Variants in STK32B observed in about 807,000 individuals in gnomAD.
STK32B encodes the protein serine/threonine kinase 32B, also known as serine/threonine-protein kinase 32B.
Under a neutral mutation model 52.6 loss-of-function variants are expected in STK32B, and 43 were observed. The ratio of observed to expected loss-of-function variants is 0.82; its 90% CI spans 0.64 to 1.05. The LOEUF is 1.05. Among genes scored for constraint, STK32B ranks in the 50% least tolerant of loss-of-function variants. The pLI is 0.00. For synonymous variants in STK32B, 238 were observed against 204.3 expected (o/e 1.17, Z -1.41); for missense variants, 621 against 534.6 (o/e 1.16, Z -1.59).
chr4:5,047,329 G>A (rs989272555), upstream of STK32B, among the ~76,000 whole-genome samples: 3 of 151,888 alleles, frequency 2.0e-5, no homozygotes, highest in Admixed American at 2.0e-4. Flanking sequence ...CATACACCAG[G>A]GCCTGTTGGG....
intron 3 of STK32B, among the ~76,000 whole-genome samples, chr4:5,178,325 G>T (rs1340083671): frequency 6.6e-6 from 1 of 152,196 alleles, no homozygotes; most frequent in Non-Finnish European, 1.5e-5. Context: ...CTACAGCTGG[G>T]ACACAGGTCA....
chr4:5,292,943 C>A (rs1728979129), intron 3 of STK32B, among the ~76,000 whole-genome samples: 1 of 151,984 alleles, frequency 6.6e-6, no homozygotes, highest in African/African-American at 2.4e-5. Context: ...GTTCCCATTG[C>A]CCCCTACTCC....
chr4:5,495,796 A>G (rs923049592), intron 11 of STK32B, among the ~76,000 whole-genome samples: 1 of 152,182 alleles, frequency 6.6e-6, no homozygotes, highest in Non-Finnish European at 1.5e-5. Flanking sequence ...CTTCTAACAG[A>G]CAGGACCCTC....
intron 3 of STK32B, among the ~76,000 whole-genome samples, chr4:5,214,819 T>G (rs1288747220): frequency 1.3e-5 from 2 of 152,050 alleles, no homozygotes; most frequent in African/African-American, 4.8e-5. Flanking sequence ...TGTCAAATGC[T>G]CCAAATTTTT....
In STK32B at chr4:5,416,969, G is replaced by C. The variant is rs370991223; in HGVS notation, c.562+35G>C. 4 of 1,571,040 alleles carry C rather than the reference G, an allele frequency of 2.5e-6. No individual in the cohort carries two copies. The South Asian group carries it at 4.6e-5, about 18-fold the overall frequency. On this transcript the variant is annotated intron_variant, in intron 6 of 11. Coordinates refer to ENST00000282908, the MANE Select transcript of STK32B (RefSeq NM_018401.3). ...CCAGGCCCCTTCTTTTCATGTGATC[G>C]GGCTCACTGCCTAAGACTCAGCATC...
chr4:5,413,858 T>C (rs981782429), intron 5 of STK32B, among the ~76,000 whole-genome samples: 5 of 152,344 alleles, frequency 3.3e-5, no homozygotes, highest in South Asian at 2.1e-4. Context: ...CAACTAGTGC[T>C]GGCAAAGTGC....
intron 1 of STK32B, among the ~76,000 whole-genome samples, chr4:5,135,480 G>A (rs953602459): frequency 2.0e-5 from 3 of 152,200 alleles, no homozygotes; most frequent in South Asian, 2.1e-4. Flanking sequence ...TTACTAAGCC[G>A]CTGCTATGTG....
intron 11 of STK32B, among the ~76,000 whole-genome samples, chr4:5,475,678 A>G (rs1718184444): frequency 6.6e-6 from 1 of 151,386 alleles, no homozygotes; most frequent in Non-Finnish European, 1.5e-5. Flanking sequence ...AGCCTGGGCA[A>G]CAGAGCAATA....
At chr4:5,383,278 C>CCT (rs1225115878) in intron 4 of STK32B, among the ~76,000 whole-genome samples, 3 of 152,268 alleles carry the variant, frequency 2.0e-5, no homozygotes, top group Admixed American at 6.5e-5. Flanking sequence ...ATGCTCCTGC[C>CCT]CTCCCCTGTC....
chr4:5,444,946 G>A (rs11737487), intron 6 of STK32B, among the ~76,000 whole-genome samples: 53,171 of 152,032 alleles, frequency 0.35, 10,368 homozygotes, highest in Non-Finnish European at 0.44. Flanking sequence ...AAATTCCCAA[G>A]TGCACCATTC....
chr4:5,258,517 T>C (rs80114268), intron 3 of STK32B, among the ~76,000 whole-genome samples: 2,000 of 152,172 alleles, frequency 0.013, 30 homozygotes, highest in African/African-American at 0.044. Context: ...AAAGCTAAGC[T>C]CTTGGCTGCT....
At chr4:5,483,511 A>C (rs1176342543) in intron 11 of STK32B, among the ~76,000 whole-genome samples, 1 of 151,740 alleles carries the variant, frequency 6.6e-6, no homozygotes, top group Non-Finnish European at 1.5e-5. Context: ...GCAGTCTATC[A>C]ATTTTGTTGA....
At chr4:5,063,394 G>A (rs1742292393) in intron 1 of STK32B, among the ~76,000 whole-genome samples, 1 of 152,080 alleles carries the variant, frequency 6.6e-6, no homozygotes, top group Non-Finnish European at 1.5e-5. Context: ...CCAGGCTGGA[G>A]TGCAGTGGTG....
intron 1 of STK32B, among the ~76,000 whole-genome samples, chr4:5,074,179 A>ATAT: frequency 7.8e-6 from 1 of 128,086 alleles, no homozygotes; most frequent in Non-Finnish European, 1.7e-5. Flanking sequence ...TTCATTTGTA[A>ATAT]ATATATATAT....
chr4:5,251,815 TATTTC>T (rs1725954642), intron 3 of STK32B, among the ~76,000 whole-genome samples: 1 of 152,198 alleles, frequency 6.6e-6, no homozygotes, highest in South Asian at 2.1e-4. Flanking sequence ...TGTTTCTAGG[TATTTC>T]ATTTTTTTCT....
chr4:5,323,438 A>G (rs1405452897), intron 3 of STK32B, among the ~76,000 whole-genome samples: 21 of 152,150 alleles, frequency 1.4e-4, no homozygotes, highest in Admixed American at 1.2e-3. Flanking sequence ...CATCAGGTCT[A>G]TCACTTCTGC....
chr4:5,041,665 TAAC>T, the STK32B span, among the ~76,000 whole-genome samples: 21 of 152,166 alleles, frequency 1.4e-4, no homozygotes, highest in Admixed American at 9.2e-4. Context: ...TAAAGACTCT[TAAC>T]AATAAAAGAC....
the STK32B span, among the ~76,000 whole-genome samples, chr4:5,032,264 A>C: frequency 6.6e-6 from 1 of 151,888 alleles, no homozygotes; most frequent in Non-Finnish European, 1.5e-5. Context: ...ACTTGAGGTC[A>C]GGAGTTCGAG....
At chr4:5,230,063 G>A (rs1186498159) in intron 3 of STK32B, among the ~76,000 whole-genome samples, 1 of 151,644 alleles carries the variant, frequency 6.6e-6, no homozygotes, top group African/African-American at 2.4e-5. Flanking sequence ...CGTGATCTTG[G>A]CTCACTGCAA....
Sources: gnomAD v4.1 joint callset for allele counts (sites outside exome capture counted in the v4.1 genomes callset) on GRCh38, gnomAD v4.1.1 for gene constraint, MANE v1.5 for transcripts, NCBI Gene and HGNC (gene_info 2026-07-23, HGNC 2026-07-21) for gene names.